PTPN5: variants seen among roughly 807,000 people sequenced by gnomAD.
PTPN5 encodes tyrosine-protein phosphatase non-receptor type 5.
PTPN5 carries 29 observed loss-of-function variants against 73.9 expected under a neutral mutation model. The ratio of observed to expected loss-of-function variants is 0.39; its 90% CI spans 0.29 to 0.54. PTPN5 has a LOEUF of 0.54. Among genes scored for constraint, PTPN5 ranks in the 20% least tolerant of loss-of-function variants. The probability of loss-of-function intolerance (pLI) is 0.65; values close to 1 mark genes in which losing one functional copy is unlikely to be tolerated. For missense variants in PTPN5, 652 were observed against 751.4 expected (o/e 0.87, Z 1.55); for synonymous variants, 267 against 304.7 (o/e 0.88, Z 1.29).
At chr11:18,743,934 G>GGGGA in intron 4 of PTPN5, 72 bp downstream of exon 4, 1 of 1,496,760 alleles carries the variant, frequency 6.7e-7, no homozygotes, top group South Asian at 1.4e-5. Context: ...TGGCCATCCT[G>GGGGA]GGGAGGAAGT....
At chr11:18,752,313 G>C (rs914960371) in intron 3 of PTPN5, among the ~76,000 whole-genome samples, 4 of 152,226 alleles carry the variant, frequency 2.6e-5, no homozygotes, top group Non-Finnish European at 5.9e-5. Flanking sequence ...CTGCTGCCTG[G>C]CACATGGTGA....
chr11:18,732,826 T>C (rs1007495949), intron 11 of PTPN5, 124 bp from the exon 12 acceptor site: 6 of 766,224 alleles, frequency 7.8e-6, no homozygotes, highest in Non-Finnish European at 1.3e-5. Flanking sequence ...AGTGTTGGGT[T>C]CAAATCTCAG....
rs756625764 is a variant in PTPN5 at position 18,742,526 on chromosome 11, C to T, written c.484-23G>A. ...CACCTGGTTGGGGTGTACAGCATCA[C>T]AGATTTCGGACCACGCTGGCTGCCC... On this transcript the variant is annotated intron_variant, in intron 6 of 14. Coordinates refer to ENST00000358540, the MANE Select transcript of PTPN5 (RefSeq NM_006906.2). This position sits in a 1 kb window ranked among gnomAD's most constrained non-coding sequence, Gnocchi z 4.1. 13 of 1,609,878 alleles carry T rather than the reference C, an allele frequency of 8.1e-6. No individual in the cohort carries two copies. The highest frequency in any genetic ancestry group is 1.1e-5 in the Non-Finnish European group (13 of 1,178,966).
At chr11:18,762,018 C>T (rs918924742) in intron 3 of PTPN5, among the ~76,000 whole-genome samples, 26 of 152,232 alleles carry the variant, frequency 1.7e-4, no homozygotes, top group African/African-American at 5.5e-4. Flanking sequence ...CACGAGTGTG[C>T]GAGAGCACAT....
At chr11:18,743,887 AAC>A in intron 4 of PTPN5, 117 bp downstream of exon 4, 1 of 1,197,280 alleles carries the variant, frequency 8.4e-7, no homozygotes, top group South Asian at 1.7e-5. Flanking sequence ...GCTCCTGAGG[AAC>A]ACCAGGGAGG....
intron 2 of PTPN5, among the ~76,000 whole-genome samples, chr11:18,771,284 T>TA (rs1457556508): frequency 2.0e-5 from 3 of 152,120 alleles, no homozygotes; most frequent in Non-Finnish European, 4.4e-5. Context: ...ACCTGTCCAT[T>TA]CCTCCCTTCG....
intron 1 of PTPN5, among the ~76,000 whole-genome samples, chr11:18,773,035 G>A (rs553899535): frequency 1.3e-5 from 2 of 152,088 alleles, no homozygotes; most frequent in South Asian, 2.1e-4. Flanking sequence ...CAGGTAGAAG[G>A]AGGGCATGTG....
chr11:18,735,343 G>T (rs1306548263), intron 9 of PTPN5, among the ~76,000 whole-genome samples: 7 of 151,378 alleles, frequency 4.6e-5, no homozygotes, highest in African/African-American at 1.7e-4. Context: ...CGGGAGGGGG[G>T]CTTTTGGGGG....
At position 18,733,187 on chromosome 11, in the gene PTPN5, G is replaced by A. The variant is rs1381785263; in HGVS notation, c.1218+48C>T. ...TTAATTTGAGAACAAGATACTTAGT[G>A]TAGGGCGCAATGTAGCAGACACTTA... On this transcript the variant is annotated intron_variant, in intron 11 of 14. Transcript: ENST00000358540. This position sits in a 1 kb window ranked among gnomAD's most constrained non-coding sequence, Gnocchi z 4.3. 6 of 1,589,746 alleles carry A rather than the reference G, an allele frequency of 3.8e-6. No homozygotes were observed. The highest frequency in any genetic ancestry group is 5.2e-6 in the Non-Finnish European group (6 of 1,161,950).
At chr11:18,741,560 G>A (rs1184515538) in intron 7 of PTPN5, among the ~76,000 whole-genome samples, 1 of 152,126 alleles carries the variant, frequency 6.6e-6, no homozygotes, top group Non-Finnish European at 1.5e-5. Flanking sequence ...CTCAAATTTG[G>A]TGTGATCTGG....
At chr11:18,777,424 C>T (rs1276080714) in intron 1 of PTPN5, among the ~76,000 whole-genome samples, 3 of 119,708 alleles carry the variant, frequency 2.5e-5, no homozygotes, top group Non-Finnish European at 1.9e-5. Context: ...AGATCAGGGC[C>T]AGGAAGCTCC....
chr11:18,737,833 G>C, intron 9 of PTPN5, 47 bp downstream of exon 9: 1 of 1,528,072 alleles, frequency 6.5e-7, no homozygotes, highest in Non-Finnish European at 9.1e-7. Context: ...GGGATCCCCA[G>C]GTGAAGCTGA....
rs1228972103 is a variant in PTPN5, at chr11:18,729,996, C to G, written c.1330-178G>C. The G allele has an allele frequency of 1.2e-6, 1 of 803,346 alleles. No individual in the cohort carries two copies. The highest frequency in any genetic ancestry group is 2.5e-5 in the Admixed American group (1 of 40,158). 49.8% of individuals were successfully genotyped at this position (803,346 alleles called of 1,614,324 possible). A position where few individuals can be genotyped will look rare whatever the true frequency, so the allele number is the denominator to read the frequency against. On this transcript the variant is annotated intron_variant, in intron 12 of 14. Coordinates refer to ENST00000358540, the MANE Select transcript of PTPN5 (RefSeq NM_006906.2). The surrounding 1 kb of genome is among the most constrained non-coding windows in gnomAD (Gnocchi z 5.2). ...AGTGGCACCAGACACAGACCCAAAG[C>G]CAGCTTGGTTTTGGGGGTTGGTCAG...
At chr11:18,780,689 C>T (rs1221900343) in intron 1 of PTPN5, among the ~76,000 whole-genome samples, 1 of 152,182 alleles carries the variant, frequency 6.6e-6, no homozygotes, top group East Asian at 1.9e-4. Context: ...ATGAGCCACA[C>T]CCTGTCCCGG....
rs1220562806 is a variant in PTPN5, at chr11:18,773,289, CCTGGGGGCGGGTGT to C, written c.-113-1232_-113-1219del. On this transcript the variant is annotated intron_variant, in intron 1 of 14. Transcript: ENST00000358540. ...TCTTTGTTTTGTAAAAGCTGGAGCA[CCTGGGGGCGGGTGT>C]CTCTTTGTCAGGGAGGTGGGGGTGT... is the stretch of plus-strand genomic sequence containing the variant. 2.2e-5 allele frequency among the ~76,000 whole-genome samples: 3 copies of C among 139,186 alleles called. No homozygotes were observed. In the Admixed American group the frequency reaches 2.3e-4, roughly 10 times the overall value. 91.3% of individuals were successfully genotyped at this position (139,186 alleles called of 152,430 possible).
At chr11:18,750,776 C>T (rs1207072178) in intron 3 of PTPN5, among the ~76,000 whole-genome samples, 1 of 151,982 alleles carries the variant, frequency 6.6e-6, no homozygotes, top group Non-Finnish European at 1.5e-5. Flanking sequence ...CATGATTGCC[C>T]ATGTCTTACA....
At chr11:18,772,566 C>T (rs541905650) in intron 1 of PTPN5, among the ~76,000 whole-genome samples, 40 of 152,318 alleles carry the variant, frequency 2.6e-4, no homozygotes, top group Middle Eastern at 3.4e-3. Flanking sequence ...AATGACTTCC[C>T]TTCCATCCCT....
chr11:18,739,480 T>C (rs952590676), intron 8 of PTPN5, among the ~76,000 whole-genome samples: 2 of 152,054 alleles, frequency 1.3e-5, no homozygotes, highest in African/African-American at 4.8e-5. Flanking sequence ...GGGTGGGGCA[T>C]GGGGCATAAG....
chr11:18,761,696 T>C (rs753033509), intron 3 of PTPN5, among the ~76,000 whole-genome samples: 2 of 150,890 alleles, frequency 1.3e-5, no homozygotes, highest in African/African-American at 2.4e-5. Flanking sequence ...AGAAAAGGAG[T>C]CTGCCTAGTC....
Sources: allele counts gnomAD v4.1 joint callset (sites outside exome capture counted in the v4.1 genomes callset), GRCh38; gene constraint gnomAD v4.1.1; non-coding constraint Gnocchi (gnomAD v3.1); transcripts MANE v1.5; gene names NCBI Gene and HGNC (gene_info 2026-07-23, HGNC 2026-07-21).